RPS6KA3: variants seen among roughly 807,000 people sequenced by gnomAD.
The protein encoded by RPS6KA3 is ribosomal protein S6 kinase A3, also known as ribosomal protein S6 kinase alpha-3.
A neutral mutation model predicts 67.2 loss-of-function variants in RPS6KA3; 4 were observed. The observed-to-expected ratio is 0.06, with a 90% confidence interval of 0.03 to 0.14. RPS6KA3 has a LOEUF of 0.14. Ranked by LOEUF, RPS6KA3 falls within the 10% of genes least tolerant of loss-of-function variation. The pLI is 1.00. For synonymous variants in RPS6KA3, 182 were observed against 183.7 expected (o/e 0.99, Z 0.07); for missense variants, 204 against 559.0 (o/e 0.36, Z 6.40).
At chrX:20,262,570 T>C (rs889692938) in intron 1 of RPS6KA3, among the ~76,000 whole-genome samples, 21 of 111,906 alleles carry the variant, frequency 1.9e-4, no homozygotes, top group Admixed American at 1.4e-3. Flanking sequence ...AGGATCAAGC[T>C]GCCAAAATAA....
intron 3 of RPS6KA3, among the ~76,000 whole-genome samples, chrX:20,208,537 C>T (rs981489400): frequency 9.1e-6 from 1 of 110,119 alleles, no homozygotes; most frequent in African/African-American, 3.4e-5. Flanking sequence ...AGAAACATGG[C>T]GAAACCCCAT....
At chrX:20,231,105 A>G (rs750901148) in intron 2 of RPS6KA3, among the ~76,000 whole-genome samples, 2 of 110,323 alleles carry the variant, frequency 1.8e-5, no homozygotes, top group Non-Finnish European at 3.8e-5. Context: ...ACCACAGCAT[A>G]TGCCACCATG....
chrX:20,216,992 T>C (rs73447139), intron 2 of RPS6KA3, among the ~76,000 whole-genome samples: 1,540 of 112,201 alleles, frequency 0.014, 30 homozygotes, highest in African/African-American at 0.047. Context: ...ATCTCAAAGA[T>C]TTATTATTAG....
intron 1 of RPS6KA3, among the ~76,000 whole-genome samples, chrX:20,240,300 T>A (rs2069519133): frequency 1.0e-5 from 1 of 98,517 alleles, no homozygotes; most frequent in Admixed American, 1.1e-4. Flanking sequence ...TTTTTTTTTT[T>A]TTTTTTTTTT....
intron 18 of RPS6KA3, among the ~76,000 whole-genome samples, chrX:20,163,476 CA>C (rs762998549): frequency 0.27 from 28,668 of 107,447 alleles, 4,134 homozygotes; most frequent in African/African-American, 0.53. Context: ...ATTTCCCCCC[CA>C]AAAAAAAATC....
At chrX:20,159,743 A>G (rs2067264931) in intron 20 of RPS6KA3, among the ~76,000 whole-genome samples, 1 of 112,382 alleles carries the variant, frequency 8.9e-6, no homozygotes, top group African/African-American at 3.2e-5. Context: ...GGTAACATAT[A>G]CTTAATATAC....
intron 7 of RPS6KA3, among the ~76,000 whole-genome samples, chrX:20,192,427 T>A (rs190149149): frequency 0.033 from 3,540 of 106,187 alleles, 60 homozygotes; most frequent in Non-Finnish European, 0.05. Flanking sequence ...AAAGAAACTA[T>A]AAAATTAGAA....
intron 15 of RPS6KA3, 56 bp from the exon 16 acceptor site, chrX:20,169,547 AT>A: frequency 2.8e-6 from 2 of 712,312 alleles, no homozygotes; most frequent in Non-Finnish European, 4.5e-6. Flanking sequence ...ATAAACATTA[AT>A]TGTTTATAGC....
chrX:20,257,822 C>A (rs1174070577), intron 1 of RPS6KA3, among the ~76,000 whole-genome samples: 1 of 111,472 alleles, frequency 9.0e-6, no homozygotes, highest in Non-Finnish European at 1.9e-5. Flanking sequence ...CTTGTAATTA[C>A]AACATTTTTT....
intron 2 of RPS6KA3, among the ~76,000 whole-genome samples, chrX:20,223,844 TTG>T (rs748788196): frequency 1.8e-5 from 2 of 112,334 alleles, no homozygotes; most frequent in African/African-American, 6.5e-5. Flanking sequence ...GGATTTGCTT[TTG>T]TGTGTTTTCC....
At chrX:20,239,404 G>A (rs2069495407) in intron 1 of RPS6KA3, among the ~76,000 whole-genome samples, 1 of 111,820 alleles carries the variant, frequency 8.9e-6, no homozygotes, top group South Asian at 3.7e-4. Context: ...ACTAAGCAGG[G>A]TGGAAGAGAT....
At position 20,193,553 on chromosome X, in the gene RPS6KA3, T is replaced by G; in HGVS notation, c.527A>C (p.Glu176Ala). The change falls in exon 7 of 22, where the codon GAA (glutamate) becomes GCA (alanine). Residue 176 changes from glutamate to alanine, a missense_variant. This residue lies in a region of RPS6KA3 where 76 missense variants were observed against 250.3 expected (regional missense o/e 0.30). Transcript: ENST00000379565. ...TAGATGGTCTAAAGCAAGTGCAAGT[T>G]CAGCCAAGTAGAATTTGACATCTTC... Reference protein sequence around the residue: ...TEEDVKFYLAELALALDHLHS... With the variant: ...TEEDVKFYLAALALALDHLHS... 1 of 1,196,739 alleles carries G rather than the reference T, an allele frequency of 8.4e-7. No individual in the cohort carries two copies. The highest frequency in any genetic ancestry group is 1.1e-6 in the Non-Finnish European group (1 of 882,336).
In RPS6KA3 at chrX:20,172,782, A is replaced by G; in HGVS notation, c.1317T>C (p.Cys439=). The change falls in exon 15 of 22, where the codon TGT becomes TGC. Residue 439 remains cysteine, a synonymous_variant. Coordinates refer to ENST00000379565, the MANE Select transcript of RPS6KA3 (RefSeq NM_004586.3). ...ACTCCATGTTTGTAGCTTTATGTAT[A>G]CATCTCTTGCAAACAGAGTAGGAGC... is the stretch of plus-strand genomic sequence containing the variant. ...GVGSYSVCKR[C]IHKATNMEFA... 8.3e-7 allele frequency: 1 copy of G among 1,204,152 alleles called. No homozygotes were observed.
At chrX:20,224,588 T>G (rs1457707323) in intron 2 of RPS6KA3, among the ~76,000 whole-genome samples, 1 of 111,901 alleles carries the variant, frequency 8.9e-6, no homozygotes, top group East Asian at 2.8e-4. Context: ...AGGATTTCCA[T>G]CTAAGTGCAG....
intron 10 of RPS6KA3, among the ~76,000 whole-genome samples, chrX:20,182,232 T>C (rs2067860697): frequency 8.9e-6 from 1 of 111,946 alleles, no homozygotes; most frequent in Admixed American, 9.5e-5. Context: ...TTTAACCATC[T>C]AAATATGAAC....
At chrX:20,215,022 T>C (rs2068815006) in intron 2 of RPS6KA3, among the ~76,000 whole-genome samples, 1 of 109,983 alleles carries the variant, frequency 9.1e-6, no homozygotes, top group South Asian at 3.9e-4. Context: ...GATTTGTTTG[T>C]AGAGACAGGG....
intron 3 of RPS6KA3, among the ~76,000 whole-genome samples, chrX:20,206,830 G>A (rs1342850473): frequency 9.0e-6 from 1 of 111,430 alleles, no homozygotes; most frequent in African/African-American, 3.3e-5. Flanking sequence ...GTTTCAGGCA[G>A]AAGGAATAAA....
chrX:20,241,175 G>GAGGA (rs1174041052), intron 1 of RPS6KA3, among the ~76,000 whole-genome samples: 1 of 110,206 alleles, frequency 9.1e-6, no homozygotes, highest in Non-Finnish European at 1.9e-5. Flanking sequence ...TTATGTTTAA[G>GAGGA]AGGACCCTTT....
intron 15 of RPS6KA3, among the ~76,000 whole-genome samples, chrX:20,171,449 T>C (rs148740012): frequency 4.5e-5 from 5 of 111,943 alleles, no homozygotes; most frequent in Non-Finnish European, 9.4e-5. Context: ...ATTTAAGAGA[T>C]GACCTGGGAC....
Sources: allele counts gnomAD v4.1 joint callset (sites outside exome capture counted in the v4.1 genomes callset), GRCh38; gene constraint gnomAD v4.1.1; regional missense constraint gnomAD v4.1.1; transcripts MANE v1.5; gene names NCBI Gene and HGNC (gene_info 2026-07-23, HGNC 2026-07-21).